The following COLEC12 variants were observed in gnomAD, a reference collection of about 807,000 sequenced individuals.
COLEC12 encodes collectin-12.
COLEC12 carries 33 observed loss-of-function variants against 71.1 expected under a neutral mutation model. The observed-to-expected ratio is 0.46, with a 90% CI of 0.35 to 0.62. COLEC12 has a LOEUF of 0.62. Among genes scored for constraint, COLEC12 ranks in the 20% least tolerant of loss-of-function variants. The pLI, the probability that COLEC12 is intolerant of heterozygous loss-of-function variation, is 0.00. For synonymous variants in COLEC12, 350 were observed against 353.0 expected, an observed-to-expected ratio of 0.99 and a Z score of 0.10; for missense variants, 765 against 916.1, an observed-to-expected ratio of 0.84 and a Z score of 2.13.
intron 2 of COLEC12, among the ~76,000 whole-genome samples, chr18:384,369 AG>A (rs1915298471): frequency 6.6e-6 from 1 of 152,168 alleles, no homozygotes; most frequent in South Asian, 2.1e-4. Context: ...CAGGATAGAG[AG>A]GAGTCTAATG....
chr18:419,019 C>T (rs1279372862), intron 2 of COLEC12, among the ~76,000 whole-genome samples: 1 of 152,190 alleles, frequency 6.6e-6, no homozygotes, highest in African/African-American at 2.4e-5. Context: ...GTCATGTGAT[C>T]TGGGACAAGT....
At chr18:482,834 A>G (rs1917449063) in intron 1 of COLEC12, among the ~76,000 whole-genome samples, 1 of 151,554 alleles carries the variant, frequency 6.6e-6, no homozygotes, top group South Asian at 2.1e-4. Flanking sequence ...GCTGGTCTCG[A>G]ACTCCTGACC....
intron 2 of COLEC12, among the ~76,000 whole-genome samples, chr18:441,958 C>A: frequency 6.7e-6 from 1 of 150,310 alleles, no homozygotes; most frequent in Non-Finnish European, 1.5e-5. Flanking sequence ...CGTGATCATG[C>A]TACTACACTC....
At chr18:448,056 G>T (rs1916687252) in intron 2 of COLEC12, among the ~76,000 whole-genome samples, 1 of 152,182 alleles carries the variant, frequency 6.6e-6, no homozygotes, top group African/African-American at 2.4e-5. Flanking sequence ...TTGTCTCCCT[G>T]TGACTGAAAA....
chr18:350,833 CAGG>C, intron 3 of COLEC12, among the ~76,000 whole-genome samples: 1 of 151,664 alleles, frequency 6.6e-6, no homozygotes, highest in Non-Finnish European at 1.5e-5. Flanking sequence ...GAGGCTGAGG[CAGG>C]AGAATTGCTT....
chr18:479,612 T>C (rs538990328), intron 2 of COLEC12, among the ~76,000 whole-genome samples: 1 of 151,998 alleles, frequency 6.6e-6, no homozygotes, highest in South Asian at 2.1e-4. Flanking sequence ...CCTCTATCCT[T>C]CTCCATTTCC....
intron 2 of COLEC12, among the ~76,000 whole-genome samples, chr18:424,666 G>A (rs982597448): frequency 2.0e-5 from 3 of 152,216 alleles, no homozygotes; most frequent in Non-Finnish European, 2.9e-5. Flanking sequence ...CTTTTCAAGA[G>A]GACTTCTGAT....
rs1297793176 is a variant in COLEC12, at chr18:357,465, G to T, written c.116C>A (p.Ser39Tyr). 3.8e-6 allele frequency: 6 copies of T among 1,597,290 alleles called. No homozygotes were observed. Among genetic ancestry groups the T allele is most frequent in the Non-Finnish European group, 4.3e-6 (5 of 1,171,280 alleles). The change falls in exon 3 of 10, where the codon TCT (serine) becomes TAT (tyrosine). Residue 39 changes from serine (S) to tyrosine (Y), a missense_variant. Physicochemically the swap from Ser to Tyr is moderately radical, Grantham distance 144 (BLOSUM62 -2). Coordinates refer to ENST00000400256, the MANE Select transcript of COLEC12 (RefSeq NM_130386.3). ...ACACAAAATGTATAATAATATGATAGAAAACTTCAGTGCCCAGTTATTTTT... is the reference window on the plus strand; with the variant it reads ...ACACAAAATGTATAATAATATGATATAAAACTTCAGTGCCCAGTTATTTTT... The part of the protein sequence containing the change: ...KCKNNWALKF[S>Y]IILLYILCAL...
intron 2 of COLEC12, among the ~76,000 whole-genome samples, chr18:452,920 A>C (rs1013793810): frequency 2.0e-5 from 3 of 152,246 alleles, no homozygotes; most frequent in Non-Finnish European, 4.4e-5. Flanking sequence ...AGCACCACTC[A>C]GGGGTCCTCC....
chr18:403,484 T>C (rs1194479195), intron 2 of COLEC12, among the ~76,000 whole-genome samples: 1 of 152,232 alleles, frequency 6.6e-6, no homozygotes, highest in Non-Finnish European at 1.5e-5. Flanking sequence ...AGCCTGGGTA[T>C]GCTCACACTA....
At position 498,363 on chromosome 18, in the gene COLEC12, C is replaced by CTTTTTTTT. The variant is rs542727500; in HGVS notation, c.7+2137_7+2144dup. Among the ~76,000 whole-genome samples, 18 of 100,748 alleles carry CTTTTTTTT rather than the reference C, an allele frequency of 1.8e-4. 1 individual carries two copies. The highest frequency in any genetic ancestry group is 2.7e-4 in the African/African-American group (6 of 21,862). 66.1% of individuals were successfully genotyped at this position (100,748 alleles called of 152,430 possible). ...AAAACTCTCATGGAATATTTTTTTT[C>CTTTTTTTT]TTTTTTTTTTTTTTAGACGGAGTCT... On this transcript the variant is annotated intron_variant, in intron 1 of 9. Transcript: ENST00000400256.
At chr18:331,918 CT>C (rs1913992358) in intron 7 of COLEC12, 141 bp from the exon 8 acceptor site, 2 of 621,538 alleles carry the variant, frequency 3.2e-6, no homozygotes, top group Admixed American at 2.9e-5. Context: ...TTGCTTTCTG[CT>C]TTTTTCTTGC....
chr18:325,075 C>G (rs1370929243), intron 8 of COLEC12, among the ~76,000 whole-genome samples: 1 of 152,110 alleles, frequency 6.6e-6, no homozygotes, highest in Non-Finnish European at 1.5e-5. Context: ...TGCCAGAAGT[C>G]CCAGCTACTC....
rs748834663 is a variant in COLEC12 at position 331,793 on chromosome 18, G to A, written c.1954-16C>T. 6.7e-7 allele frequency: 1 copy of A among 1,499,408 alleles called. No homozygotes were observed. Among genetic ancestry groups the A allele is most frequent in the Admixed American group, 1.7e-5 (1 of 59,848 alleles). 92.9% of individuals were successfully genotyped at this position (1,499,408 alleles called of 1,614,324 possible). ...TTATCCATTGCTGAAAAACAAAGCA[G>A]GGGTGGTGCGTGACTATTTTTCAGA... On this transcript the variant is annotated splice_polypyrimidine_tract_variant and intron_variant, in intron 7 of 9. Transcript: ENST00000400256.
chr18:400,467 G>A (rs1013899741), intron 2 of COLEC12, among the ~76,000 whole-genome samples: 3 of 152,108 alleles, frequency 2.0e-5, no homozygotes, highest in Non-Finnish European at 2.9e-5. Flanking sequence ...AGCTCTAAAC[G>A]GCATGTTTCC....
At chr18:391,699 A>T (rs1915467006) in intron 2 of COLEC12, among the ~76,000 whole-genome samples, 1 of 152,202 alleles carries the variant, frequency 6.6e-6, no homozygotes, top group Non-Finnish European at 1.5e-5. Context: ...AAAACAGTCT[A>T]TATCCACCAA....
In COLEC12 at chr18:392,185, T is replaced by C. The variant is rs555486250; in HGVS notation, c.59-34663A>G. Among the ~76,000 whole-genome samples, 21 of 152,326 alleles carry C rather than the reference T, an allele frequency of 1.4e-4. No individual in the cohort carries two copies. In the South Asian group the frequency reaches 4.4e-3, roughly 32 times the overall value. On this transcript the variant is annotated intron_variant, in intron 2 of 9. Transcript: ENST00000400256. ...TAAGTTAACTGCAGAAAGCCTTCCC[T>C]ACCTACAGTGTTTGTAATTTTTCAA...
intron 2 of COLEC12, among the ~76,000 whole-genome samples, chr18:440,975 G>A (rs964275697): frequency 6.6e-6 from 1 of 152,146 alleles, no homozygotes; most frequent in African/African-American, 2.4e-5. Flanking sequence ...CAGGCCGGGC[G>A]TGGTGGCTCA....
At chr18:360,319 A>G (rs1221748061) in intron 2 of COLEC12, among the ~76,000 whole-genome samples, 3 of 151,660 alleles carry the variant, frequency 2.0e-5, no homozygotes, top group Non-Finnish European at 4.4e-5. Flanking sequence ...AGTAGCTGGG[A>G]TTACAGGTGC....
Sources: gnomAD v4.1 joint callset for allele counts (sites outside exome capture counted in the v4.1 genomes callset) on GRCh38, gnomAD v4.1.1 for gene constraint, MANE v1.5 for transcripts, NCBI Gene and HGNC (gene_info 2026-07-23, HGNC 2026-07-21) for gene names.